The following NEDD4L variants were observed in gnomAD, a reference collection of about 807,000 sequenced individuals.
NEDD4L encodes E3 ubiquitin-protein ligase NEDD4-like.
Under a neutral mutation model 148.9 loss-of-function variants are expected in NEDD4L, and 54 were observed. The observed-to-expected ratio is 0.36, with a 90% CI of 0.29 to 0.45. NEDD4L has a LOEUF of 0.45. NEDD4L is among the 20% of genes least tolerant of loss of function. The probability of loss-of-function intolerance (pLI) is 1.00; values close to 1 mark genes in which losing one functional copy is unlikely to be tolerated. For synonymous variants in NEDD4L, 433 were observed against 440.7 expected, an observed-to-expected ratio of 0.98 and a Z score of 0.22; for missense variants, 856 against 1,233.8, an observed-to-expected ratio of 0.69 and a Z score of 4.59.
At chr18:58,072,872 G>GCGCACA (rs1555682058) in intron 1 of NEDD4L, among the ~76,000 whole-genome samples, 179 of 131,592 alleles carry the variant, frequency 1.4e-3, no homozygotes, top group African/African-American at 4.4e-3. Context: ...GCGCGCGCGC[G>GCGCACA]CACACACACA....
chr18:58,277,741 C>T (rs1365470893), intron 5 of NEDD4L, among the ~76,000 whole-genome samples: 3 of 152,086 alleles, frequency 2.0e-5, no homozygotes, highest in South Asian at 4.2e-4. Context: ...TAAAATGTAT[C>T]ATATTAAAAT....
At chr18:58,073,705 G>T (rs1258810270) in intron 1 of NEDD4L, among the ~76,000 whole-genome samples, 1 of 152,122 alleles carries the variant, frequency 6.6e-6, no homozygotes, top group African/African-American at 2.4e-5. Context: ...TGGTGGGAGG[G>T]GAGAATAGGG....
chr18:58,137,258 G>A (rs549593589), intron 1 of NEDD4L, among the ~76,000 whole-genome samples: 5 of 152,296 alleles, frequency 3.3e-5, no homozygotes, highest in Admixed American at 1.3e-4. Context: ...GAGGAAATCA[G>A]ACAAAAACCA....
intron 17 of NEDD4L, 65 bp from the exon 18 acceptor site, chr18:58,350,926 C>A: frequency 1.2e-5 from 16 of 1,311,974 alleles, no homozygotes; most frequent in Non-Finnish European, 1.6e-5. Context: ...TAAATGTTGC[C>A]TTTGATTTCA....
chr18:58,108,893 A>G (rs966152552), intron 1 of NEDD4L, among the ~76,000 whole-genome samples: 4 of 152,224 alleles, frequency 2.6e-5, no homozygotes, highest in African/African-American at 9.6e-5. Context: ...ATAACTGTAC[A>G]CATCACATTG....
chr18:58,210,932 G>A (rs486997), intron 2 of NEDD4L, among the ~76,000 whole-genome samples: 68,576 of 152,036 alleles, frequency 0.45, 17,172 homozygotes, highest in African/African-American at 0.68. Context: ...GTGATTAACT[G>A]TTAGAAACTC....
chr18:58,213,938 C>T (rs34406608), intron 2 of NEDD4L, among the ~76,000 whole-genome samples: 44,974 of 152,008 alleles, frequency 0.3, 7,144 homozygotes, highest in East Asian at 0.47. Context: ...TTGTGCCTCT[C>T]GTTTGCCCCT....
At chr18:58,316,399 C>G (rs996833524) in intron 6 of NEDD4L, among the ~76,000 whole-genome samples, 4 of 152,172 alleles carry the variant, frequency 2.6e-5, no homozygotes, top group African/African-American at 9.7e-5. Flanking sequence ...CCTCCGGGTC[C>G]CATCAGATGT....
rs113355045 is a variant in NEDD4L at position 58,145,123 on chromosome 18, G to A, written c.49-20665G>A. 8.4e-3 allele frequency among the ~76,000 whole-genome samples: 1,280 copies of A among 152,248 alleles called. 16 individuals are homozygous for A. The highest frequency in any genetic ancestry group is 0.028 in the African/African-American group (1,158 of 41,534). ...TGGGACGACATCGGACCCCACTGCCGATGCTGGGACGGTGCTTCCCCTCCC... is the reference window on the plus strand; with the variant it reads ...TGGGACGACATCGGACCCCACTGCCAATGCTGGGACGGTGCTTCCCCTCCC... On this transcript the variant is annotated intron_variant, in intron 1 of 30. Transcript: ENST00000400345.
rs2048548588 is a variant in NEDD4L at position 58,256,280 on chromosome 18, C to G, written c.297+4226C>G. 1 of 1,231,286 alleles carries G rather than the reference C, an allele frequency of 8.1e-7. No homozygotes were observed. Among genetic ancestry groups the G allele is most frequent in the Non-Finnish European group, 1.0e-6 (1 of 987,694 alleles). The allele number at this position is 1,231,286 out of a possible 1,614,324, so 76.3% of individuals were successfully genotyped here. A position where few individuals can be genotyped will look rare whatever the true frequency, so the allele number is the denominator to read the frequency against. ...GCTGCTGCCCCTGGGCCCCGATGGC[C>G]AGGGCGGCCCGGCCGCGGCAGAGCC... On this transcript the variant is annotated intron_variant, in intron 5 of 30. Coordinates refer to ENST00000400345, the MANE Select transcript of NEDD4L (RefSeq NM_001144967.3). The surrounding 1 kb of genome is among the most constrained non-coding windows in gnomAD (Gnocchi z 5.2).
chr18:58,394,072 A>G (rs1048181137), intron 30 of NEDD4L, among the ~76,000 whole-genome samples: 104 of 152,220 alleles, frequency 6.8e-4, no homozygotes, highest in Non-Finnish European at 2.9e-4. Flanking sequence ...AAGCCCTGTG[A>G]GGACAATGAG....
At chr18:58,105,029 C>T (rs570040126) in intron 1 of NEDD4L, among the ~76,000 whole-genome samples, 58 of 152,268 alleles carry the variant, frequency 3.8e-4, no homozygotes, top group African/African-American at 1.4e-3. Context: ...ACCTCAGCTG[C>T]TTCTAGGGAA....
At chr18:58,369,592 G>A (rs1378696654) in intron 22 of NEDD4L, among the ~76,000 whole-genome samples, 3 of 152,158 alleles carry the variant, frequency 2.0e-5, no homozygotes, top group Non-Finnish European at 4.4e-5. Context: ...ATAGGGCCAC[G>A]CTGAGCCGGG....
intron 5 of NEDD4L, among the ~76,000 whole-genome samples, chr18:58,254,334 A>G (rs932714631): frequency 1.3e-5 from 2 of 151,990 alleles, no homozygotes; most frequent in Non-Finnish European, 2.9e-5. Context: ...ATCATAGAAA[A>G]TAGTAAGTTT....
chr18:58,255,785 CAGAACGGAGGGG>C (rs2048446309), intron 5 of NEDD4L: 4 of 1,232,706 alleles, frequency 3.2e-6, no homozygotes, highest in African/African-American at 1.5e-5. Context: ...CCCCTTCGCC[CAGAACGGAGGGG>C]AGGACGGCGG....
At chr18:58,184,038 G>A (rs1192243177) in intron 2 of NEDD4L, among the ~76,000 whole-genome samples, 2 of 152,002 alleles carry the variant, frequency 1.3e-5, no homozygotes, top group South Asian at 2.1e-4. Context: ...GCGTGGTGGC[G>A]GGTGCCTGTA....
At chr18:58,249,887 C>T (rs1335212280) in intron 4 of NEDD4L, among the ~76,000 whole-genome samples, 1 of 152,216 alleles carries the variant, frequency 6.6e-6, no homozygotes, top group African/African-American at 2.4e-5. Flanking sequence ...CTATGTACAG[C>T]CTCCACCAGA....
intron 1 of NEDD4L, among the ~76,000 whole-genome samples, chr18:58,079,860 A>G (rs1028376826): frequency 2.0e-5 from 3 of 152,208 alleles, no homozygotes; most frequent in Non-Finnish European, 2.9e-5. Flanking sequence ...GTCCCCAGAG[A>G]AGTATGAGAA....
intron 6 of NEDD4L, among the ~76,000 whole-genome samples, chr18:58,316,953 TTTATTTA>T: frequency 2.7e-5 from 1 of 36,450 alleles, no homozygotes; most frequent in East Asian, 5.0e-4. Context: ...GTGACTTTAC[TTTATTTA>T]CTTTATTTAA....
Sources: allele counts gnomAD v4.1 joint callset (sites outside exome capture counted in the v4.1 genomes callset), GRCh38; gene constraint gnomAD v4.1.1; non-coding constraint Gnocchi (gnomAD v3.1); transcripts MANE v1.5; gene names NCBI Gene and HGNC (gene_info 2026-07-23, HGNC 2026-07-21).